CRX: variants seen among roughly 807,000 people sequenced by gnomAD.
The protein encoded by CRX is cone-rod homeobox.
CRX carries 5 observed loss-of-function variants against 13.1 expected under a neutral mutation model. The ratio of observed to expected loss-of-function variants is 0.38; its 90% CI spans 0.20 to 0.80. The LOEUF (loss-of-function observed/expected upper bound fraction) is 0.80, where lower values mean the gene tolerates loss of function less well. Ranked by LOEUF, CRX falls within the 30% of genes least tolerant of loss-of-function variation. CRX has a pLI of 0.43. For synonymous variants in CRX, 179 were observed against 171.1 expected, an observed-to-expected ratio of 1.05 and a Z score of -0.36; for missense variants, 351 against 391.8, an observed-to-expected ratio of 0.90 and a Z score of 0.88.
chr19:47,842,981 G>A lies in CRX; in HGVS notation c.*3014G>A, dbSNP rs186373883. 20 of 152,410 alleles carry A rather than the reference G, an allele frequency of 1.3e-4. No individual in the cohort carries two copies. The highest frequency in any genetic ancestry group is 4.6e-4 in the African/African-American group (19 of 41,570). The allele number at this position is 152,410 out of a possible 1,614,324, so 9.4% of individuals were successfully genotyped here. ...TGAAGGCCAAGGGGCCCCCATCACA[G>A]GCCGATGGGGTAAGACTTCGAGAGA... is the stretch of plus-strand genomic sequence containing the variant. On this transcript the variant is annotated 3_prime_UTR_variant, in exon 4 of 4. Coordinates refer to ENST00000221996, the MANE Select transcript of CRX (RefSeq NM_000554.6).
chr19:47,827,459 G>T, intron 1 of CRX, among the ~76,000 whole-genome samples: 1 of 146,542 alleles, frequency 6.8e-6, no homozygotes, highest in Non-Finnish European at 1.5e-5. Context: ...ATTCCTAGAT[G>T]CCTCACCCAC....
In CRX at chr19:47,834,382, G is replaced by A. The variant is rs1968090610; in HGVS notation, c.-35-27G>A. 3 of 1,268,292 alleles carry A rather than the reference G, an allele frequency of 2.4e-6. No homozygotes were observed. The South Asian group carries it at 3.6e-5, about 15-fold the overall frequency. The allele number at this position is 1,268,292 out of a possible 1,614,324, so 78.6% of individuals were successfully genotyped here. ...CCCATGGTGAGTAACTGGTAAGTGA[G>A]TGAGCATCCCTCCTCTTCTCTTGCA... is the stretch of plus-strand genomic sequence containing the variant. On this transcript the variant is annotated intron_variant, in intron 1 of 3. Coordinates refer to ENST00000221996, the MANE Select transcript of CRX (RefSeq NM_000554.6).
intron 2 of CRX, 38 bp from the exon 3 acceptor site, chr19:47,836,205 T>C (rs1968115112): frequency 3.1e-6 from 5 of 1,613,536 alleles, no homozygotes; most frequent in Non-Finnish European, 4.2e-6. Flanking sequence ...CCAGCCCATG[T>C]GGATGACCTG....
chr19:47,838,668 T>A (rs1269463760), intron 3 of CRX, among the ~76,000 whole-genome samples: 1 of 152,140 alleles, frequency 6.6e-6, no homozygotes. Context: ...GGTAAACGTA[T>A]GCATGATGTA....
chr19:47,829,206 C>T (rs1968014452), intron 1 of CRX, among the ~76,000 whole-genome samples: 1 of 152,178 alleles, frequency 6.6e-6, no homozygotes, highest in African/African-American at 2.4e-5. Context: ...ACCTCCACCT[C>T]CCAGGTTCCA....
chr19:47,832,105 G>GTTTTTGTTTTTTTT (rs1555801483), intron 1 of CRX, among the ~76,000 whole-genome samples: 7 of 91,984 alleles, frequency 7.6e-5, no homozygotes, highest in Middle Eastern at 0.011. Flanking sequence ...GCAGCCTTAT[G>GTTTTTGTTTTTTTT]TTTTTTTTTT....
rs966002468 is a variant in CRX at position 47,842,058 on chromosome 19, C to T, written c.*2091C>T. On this transcript the variant is annotated 3_prime_UTR_variant, in exon 4 of 4. Transcript: ENST00000221996. ...AGAGATAGGGCACAATATATGCTTA[C>T]GAGTTGGTACACACCGTCAGCAGCA... is the stretch of plus-strand genomic sequence containing the variant. 6.6e-6 allele frequency: 1 copy of T among 152,182 alleles called. No individual in the cohort carries two copies. Among genetic ancestry groups the T allele is most frequent in the Non-Finnish European group, 1.5e-5 (1 of 68,056 alleles). The allele number at this position is 152,182 out of a possible 1,614,324, so 9.4% of individuals were successfully genotyped here. A position where few individuals can be genotyped will look rare whatever the true frequency, so the allele number is the denominator to read the frequency against.
At position 47,834,502 on chromosome 19, in the gene CRX, G is replaced by T; in HGVS notation, c.59G>T (p.Gly20Val). The T allele has an allele frequency of 1.9e-6, 3 of 1,614,148 alleles. No individual in the cohort carries two copies. The highest frequency in any genetic ancestry group is 2.5e-6 in the Non-Finnish European group (3 of 1,180,030). The change falls in exon 2 of 4, where the codon GGC (glycine) becomes GTC (valine). Residue 20 changes from glycine (G) to valine (V), a missense_variant. Transcript: ENST00000221996. ...TCTGTCAACGCCTTGGCCCTAAGTGGCCCCAGTGTGGATCTGATGCACCAG... is the reference window on the plus strand; with the variant it reads ...TCTGTCAACGCCTTGGCCCTAAGTGTCCCCAGTGTGGATCTGATGCACCAG... ...HYSVNALALS[G>V]PSVDLMHQAV...
chr19:47,831,525 G>A (rs1455386566), intron 1 of CRX, among the ~76,000 whole-genome samples: 1 of 151,862 alleles, frequency 6.6e-6, no homozygotes, highest in East Asian at 1.9e-4. Context: ...AGAGATCTAG[G>A]TTGTACACTC....
At chr19:47,834,989 CT>C (rs937986167) in intron 2 of CRX, among the ~76,000 whole-genome samples, 58 of 142,576 alleles carry the variant, frequency 4.1e-4, no homozygotes, top group South Asian at 1.8e-3. Context: ...CCGGGGGGCA[CT>C]TTTTTTTTTT....
intron 1 of CRX, among the ~76,000 whole-genome samples, chr19:47,826,936 C>G (rs1967981084): frequency 6.6e-6 from 1 of 152,148 alleles, no homozygotes; most frequent in African/African-American, 2.4e-5. Context: ...GTAGCTTACT[C>G]TCATAGCTGT....
Position 47,836,236 on chromosome 19 carries a change from AC to A in CRX, c.101-3del, listed in dbSNP as rs727503894. ...ACCTGAGGGTCCTGTTTCCCATCCC[AC>A]CCCAGGCGCCCCCAGGAAGCAGCGG... On this transcript the variant is annotated splice_polypyrimidine_tract_variant and splice_region_variant and intron_variant, in intron 2 of 3. Coordinates refer to ENST00000221996, the MANE Select transcript of CRX (RefSeq NM_000554.6). 37 of 1,613,740 alleles carry A rather than the reference AC, an allele frequency of 2.3e-5. No homozygotes were observed. The Middle Eastern group carries it at 4.9e-4, about 22-fold the overall frequency.
At chr19:47,831,958 C>T (rs1315130240) in intron 1 of CRX, among the ~76,000 whole-genome samples, 3 of 150,856 alleles carry the variant, frequency 2.0e-5, no homozygotes, top group African/African-American at 4.9e-5. Context: ...AGGCTGGTCT[C>T]GAACTCCCGA....
At chr19:47,832,699 T>C (rs537788347) in intron 1 of CRX, among the ~76,000 whole-genome samples, 1 of 152,066 alleles carries the variant, frequency 6.6e-6, no homozygotes, top group South Asian at 2.1e-4. Flanking sequence ...TTGACCAGGC[T>C]AATCTCAAAC....
intron 1 of CRX, among the ~76,000 whole-genome samples, chr19:47,823,693 A>G (rs1252789875): frequency 7.4e-6 from 1 of 136,038 alleles, no homozygotes; most frequent in Non-Finnish European, 1.5e-5. Flanking sequence ...TCTGTGGCCC[A>G]GGCTGGAGTG....
intron 1 of CRX, among the ~76,000 whole-genome samples, chr19:47,832,777 C>T (rs909976439): frequency 2.7e-5 from 4 of 150,460 alleles, no homozygotes; most frequent in South Asian, 2.1e-4. Context: ...TGAGCCACTG[C>T]GCCTGGCCCA....
At chr19:47,823,648 G>GGT (rs1323059309) in intron 1 of CRX, among the ~76,000 whole-genome samples, 1 of 122,264 alleles carries the variant, frequency 8.2e-6, no homozygotes, top group African/African-American at 3.8e-5. Flanking sequence ...ACATGAGTCT[G>GGT]GTTTTTTTTT....
intron 3 of CRX, among the ~76,000 whole-genome samples, chr19:47,837,082 AGAT>A: frequency 6.6e-6 from 1 of 152,320 alleles, no homozygotes; most frequent in East Asian, 1.9e-4. Context: ...ATGATTAGAT[AGAT>A]GATGAATGTA....
At chr19:47,828,913 C>T (rs1968010176) in intron 1 of CRX, among the ~76,000 whole-genome samples, 1 of 149,812 alleles carries the variant, frequency 6.7e-6, no homozygotes, top group Non-Finnish European at 1.5e-5. Flanking sequence ...CACACACACA[C>T]ACACACACAC....
Sources: allele counts gnomAD v4.1 joint callset (sites outside exome capture counted in the v4.1 genomes callset), GRCh38; gene constraint gnomAD v4.1.1; transcripts MANE v1.5; gene names NCBI Gene and HGNC (gene_info 2026-07-23, HGNC 2026-07-21).